EEF1AKMT2: variants seen among roughly 807,000 people sequenced by gnomAD.
The protein encoded by EEF1AKMT2 is eukaryotic translation elongation factor 1 alpha lysine methyltransferase 2.
Under a neutral mutation model 35.8 loss-of-function variants are expected in EEF1AKMT2, and 32 were observed. The observed-to-expected ratio is 0.89, with a 90% CI of 0.67 to 1.20. The LOEUF (loss-of-function observed/expected upper bound fraction) is 1.20, where lower values mean the gene tolerates loss of function less well. Ranked by LOEUF, EEF1AKMT2 falls within the 50% of genes most tolerant of loss-of-function variation. The pLI, the probability that EEF1AKMT2 is intolerant of heterozygous loss-of-function variation, is 0.00. For missense variants in EEF1AKMT2, 330 were observed against 347.5 expected, an observed-to-expected ratio of 0.95 and a Z score of 0.40; for synonymous variants, 121 against 133.7, an observed-to-expected ratio of 0.91 and a Z score of 0.65.
At chr10:124,774,415 T>A (rs1950470958) in intron 4 of EEF1AKMT2, among the ~76,000 whole-genome samples, 1 of 95,952 alleles carries the variant, frequency 1.0e-5, no homozygotes, top group African/African-American at 3.3e-5. Flanking sequence ...AAAAAACCCT[T>A]TTGATCTGGT....
At position 124,790,317 on chromosome 10, in the gene EEF1AKMT2, T is replaced by C. The variant is rs767774469; in HGVS notation, c.132A>G (p.Arg44=). ...CATATTCTCGGAAAGTTTGCAGTTC[T>C]CTCTCATAGACAGCATCCCAACTAT... is the stretch of plus-strand genomic sequence containing the variant. ...TREHWDAVYE[R]ELQTFREYGD... is the part of the protein sequence containing the mutation. Residue 44 remains arginine (R), a synonymous_variant, in exon 2 of 7, where the codon AGA becomes AGG. Coordinates refer to ENST00000368836, the MANE Select transcript of EEF1AKMT2 (RefSeq NM_212554.4). 1 of 1,612,364 alleles carries C rather than the reference T, an allele frequency of 6.2e-7. No homozygotes were observed. The highest frequency in any genetic ancestry group is 2.2e-5 in the East Asian group (1 of 44,852).
intron 4 of EEF1AKMT2, among the ~76,000 whole-genome samples, chr10:124,767,654 T>C (rs1016984240): frequency 9.2e-5 from 14 of 151,820 alleles, no homozygotes; most frequent in Non-Finnish European, 1.6e-4. Flanking sequence ...AAATAAGACA[T>C]TAAGTGACTT....
At chr10:124,762,997 T>A (rs1350847907) in intron 5 of EEF1AKMT2, among the ~76,000 whole-genome samples, 5 of 152,252 alleles carry the variant, frequency 3.3e-5, no homozygotes, top group African/African-American at 4.8e-5. Flanking sequence ...ATAGTGGTTG[T>A]ACTCCACTGA....
intron 3 of EEF1AKMT2, among the ~76,000 whole-genome samples, chr10:124,788,842 A>C (rs1281757342): frequency 6.6e-6 from 1 of 151,738 alleles, no homozygotes; most frequent in African/African-American, 2.4e-5. Context: ...TTAAGACTAT[A>C]GCCAAAAGAG....
At chr10:124,778,792 C>T (rs147068851) in intron 3 of EEF1AKMT2, among the ~76,000 whole-genome samples, 459 of 150,062 alleles carry the variant, frequency 3.1e-3, no homozygotes, top group Non-Finnish European at 4.4e-3. Context: ...GGATACAAGG[C>T]GACAGATTAC....
At chr10:124,781,507 C>T (rs1950539174) in intron 3 of EEF1AKMT2, among the ~76,000 whole-genome samples, 1 of 149,680 alleles carries the variant, frequency 6.7e-6, no homozygotes, top group African/African-American at 2.5e-5. Context: ...CGCTTGAACC[C>T]AGGAGGCGAA....
chr10:124,760,879 T>C (rs976130304), intron 6 of EEF1AKMT2, among the ~76,000 whole-genome samples: 1 of 152,250 alleles, frequency 6.6e-6, no homozygotes, highest in Non-Finnish European at 1.5e-5. Context: ...GTTTGTTTGT[T>C]TGCTTTTTGA....
In EEF1AKMT2 at chr10:124,774,708, TATA is replaced by T. The variant is rs989882763; in HGVS notation, c.363_365del (p.Ile122del). 5 of 1,473,984 alleles carry T rather than the reference TATA, an allele frequency of 3.4e-6. No individual in the cohort carries two copies. In the African/African-American group the frequency reaches 7.3e-5, roughly 21 times the overall value. The allele number at this position is 1,473,984 out of a possible 1,614,324, so 91.3% of individuals were successfully genotyped here. ...TAATGTTAGATAAACCTTCTTTTTCTATAATACTTCCAGAAAGCTGAATTGCAG... is the reference window on the plus strand; with the variant it reads ...TAATGTTAGATAAACCTTCTTTTTCTATACTTCCAGAAAGCTGAATTGCAG... On this transcript the variant is annotated inframe_deletion, in exon 4 of 7. Coordinates refer to ENST00000368836, the MANE Select transcript of EEF1AKMT2 (RefSeq NM_212554.4).
Position 124,760,207 on chromosome 10 carries a change from A to G in EEF1AKMT2, c.*296T>C, listed in dbSNP as rs1950318725. On this transcript the variant is annotated 3_prime_UTR_variant, in exon 7 of 7. Transcript: ENST00000368836. ...TACATTTCAAATACAAAAGAAAATTAAAATTATTCTTGATTGATCTCTAAA... is the reference window on the plus strand; with the variant it reads ...TACATTTCAAATACAAAAGAAAATTGAAATTATTCTTGATTGATCTCTAAA... 1 of 411,752 alleles carries G rather than the reference A, an allele frequency of 2.4e-6. No individual in the cohort carries two copies. The highest frequency in any genetic ancestry group is 4.3e-6 in the Non-Finnish European group (1 of 232,906). The allele number at this position is 411,752 out of a possible 1,614,324, so 25.5% of individuals were successfully genotyped here. A position where few individuals can be genotyped will look rare whatever the true frequency, so the allele number is the denominator to read the frequency against.
chr10:124,787,895 A>C (rs1950600891), intron 3 of EEF1AKMT2, among the ~76,000 whole-genome samples: 2 of 152,176 alleles, frequency 1.3e-5, no homozygotes, highest in Admixed American at 1.3e-4. Context: ...TGTGCACTTT[A>C]ATGTACACAC....
intron 1 of EEF1AKMT2, among the ~76,000 whole-genome samples, chr10:124,791,161 C>G (rs1004749679): frequency 5.9e-5 from 9 of 152,160 alleles, no homozygotes; most frequent in Non-Finnish European, 1.0e-4. Flanking sequence ...CCCAACTGTT[C>G]CCTGCAGCCA....
intron 3 of EEF1AKMT2, among the ~76,000 whole-genome samples, chr10:124,784,122 C>T (rs1446911687): frequency 6.6e-6 from 1 of 152,116 alleles, no homozygotes; most frequent in Non-Finnish European, 1.5e-5. Context: ...CCACACCTGG[C>T]AATACATACA....
At chr10:124,778,974 A>G (rs1236754402) in intron 3 of EEF1AKMT2, among the ~76,000 whole-genome samples, 4 of 152,202 alleles carry the variant, frequency 2.6e-5, no homozygotes, top group Non-Finnish European at 5.9e-5. Context: ...AGTAGTACGT[A>G]TAAGAAATGG....
At chr10:124,760,581 T>C (rs1279125407) in intron 6 of EEF1AKMT2, 78 bp from the exon 7 acceptor site, 4 of 1,068,994 alleles carry the variant, frequency 3.7e-6, no homozygotes, top group African/African-American at 3.1e-5. Flanking sequence ...GCATTAACAC[T>C]GTACCATTGA....
intron 3 of EEF1AKMT2, among the ~76,000 whole-genome samples, chr10:124,786,896 T>A (rs1950589340): frequency 6.6e-6 from 1 of 151,908 alleles, no homozygotes; most frequent in South Asian, 2.1e-4. Context: ...CAGTAAACTA[T>A]TAAAACCCAA....
chr10:124,776,575 G>A (rs1047118502), intron 3 of EEF1AKMT2, among the ~76,000 whole-genome samples: 1 of 152,054 alleles, frequency 6.6e-6, no homozygotes, highest in African/African-American at 2.4e-5. Flanking sequence ...ACCACCTGAG[G>A]TCAGGAGTTC....
chr10:124,766,071 C>T (rs756562699), intron 4 of EEF1AKMT2: 1 of 157,102 alleles, frequency 6.4e-6, no homozygotes, highest in Non-Finnish European at 1.4e-5. Flanking sequence ...GCTAAGCAAT[C>T]CTCCCATCTC....
intron 6 of EEF1AKMT2, 147 bp from the exon 7 acceptor site, chr10:124,760,650 T>C: frequency 1.6e-6 from 1 of 614,862 alleles, no homozygotes; most frequent in South Asian, 2.5e-5. Context: ...CTTCATGATT[T>C]TTCAATTCTA....
chr10:124,785,499 T>A (rs886218097), intron 3 of EEF1AKMT2, among the ~76,000 whole-genome samples: 1 of 152,104 alleles, frequency 6.6e-6, no homozygotes, highest in South Asian at 2.1e-4. Flanking sequence ...TTGTACCTGG[T>A]GAAGAACTTA....
Sources: gnomAD v4.1 joint callset for allele counts (sites outside exome capture counted in the v4.1 genomes callset) on GRCh38, gnomAD v4.1.1 for gene constraint, MANE v1.5 for transcripts, NCBI Gene and HGNC (gene_info 2026-07-23, HGNC 2026-07-21) for gene names.